ZSWIM7: variants seen among roughly 807,000 people sequenced by gnomAD.
ZSWIM7 encodes zinc finger SWIM domain-containing protein 7.
In ZSWIM7, 22 loss-of-function variants were observed where a neutral mutation model predicts 21.1. The observed-to-expected ratio is 1.04, with a 90% confidence interval of 0.74 to 1.49. ZSWIM7 has a LOEUF of 1.49. Among genes scored for constraint, ZSWIM7 ranks in the 40% most tolerant of loss-of-function variants. The pLI is 0.00. For missense variants in ZSWIM7, 193 were observed against 168.0 expected (o/e 1.15, Z -0.82); for synonymous variants, 67 against 66.5 (o/e 1.01, Z -0.04).
intron 2 of ZSWIM7, among the ~76,000 whole-genome samples, chr17:15,989,054 C>G (rs1407835481): frequency 6.6e-6 from 1 of 151,952 alleles, no homozygotes; most frequent in African/African-American, 2.4e-5. Context: ...ACAGAAAAAC[C>G]AACTTCTACT....
At position 15,999,683 on chromosome 17, in the gene ZSWIM7, C is replaced by G. The variant is rs1421994104; in HGVS notation, c.-89G>C. 6.4e-7 allele frequency: 1 copy of G among 1,556,964 alleles called. No individual in the cohort carries two copies. Among genetic ancestry groups the G allele is most frequent in the East Asian group, 2.4e-5 (1 of 41,654 alleles). On this transcript the variant is annotated 5_prime_UTR_variant, in exon 1 of 5. Coordinates refer to ENST00000399277, the MANE Select transcript of ZSWIM7 (RefSeq NM_001042697.2). ...ACCTGTGGAGGATCCTGACCCCCCG[C>G]CGGGGCAGGGCGAGACGGAGTGACG...
At chr17:15,986,661 TGGG>T (rs1174861626) in intron 3 of ZSWIM7, 4 of 149,974 alleles carry the variant, frequency 2.7e-5, no homozygotes, top group African/African-American at 9.8e-5. Context: ...GGCCTTGGGG[TGGG>T]GGAGGAAGAG....
intron 3 of ZSWIM7, among the ~76,000 whole-genome samples, chr17:15,981,996 A>T (rs192956442): frequency 1.0e-3 from 152 of 152,352 alleles, no homozygotes; most frequent in Non-Finnish European, 1.8e-3. Context: ...GAGAATAAAT[A>T]AAGCAAAGAC....
intron 3 of ZSWIM7, among the ~76,000 whole-genome samples, chr17:15,982,991 G>A (rs1970372630): frequency 6.6e-6 from 1 of 152,094 alleles, no homozygotes; most frequent in South Asian, 2.1e-4. Context: ...TTCCTCGGGA[G>A]ATTTTAGGTT....
chr17:15,991,695 T>C (rs1478610630), intron 2 of ZSWIM7, among the ~76,000 whole-genome samples: 2 of 152,174 alleles, frequency 1.3e-5, no homozygotes. Context: ...ATTTAAGAAA[T>C]ACAGTAAAGG....
At chr17:15,986,314 G>A (rs1181288196) in intron 3 of ZSWIM7, among the ~76,000 whole-genome samples, 1 of 152,148 alleles carries the variant, frequency 6.6e-6, no homozygotes, top group African/African-American at 2.4e-5. Flanking sequence ...AAAGTGCTGG[G>A]ATTACAGGCG....
rs1186937366 is a variant in ZSWIM7, at chr17:15,977,973, TG to T, written c.*73del. ...GAAGATCCATTTCACCTCTTTTCCA[TG>T]TGAATCATGACGCTTTCAATGCATT... is the stretch of plus-strand genomic sequence containing the variant. On this transcript the variant is annotated 3_prime_UTR_variant, in exon 5 of 5. Coordinates refer to ENST00000399277, the MANE Select transcript of ZSWIM7 (RefSeq NM_001042697.2). 3.3e-6 allele frequency: 4 copies of T among 1,207,488 alleles called. No homozygotes were observed. The highest frequency in any genetic ancestry group is 4.9e-6 in the Non-Finnish European group (4 of 819,034). The allele number at this position is 1,207,488 out of a possible 1,614,324, so 74.8% of individuals were successfully genotyped here. A position where few individuals can be genotyped will look rare whatever the true frequency, so the allele number is the denominator to read the frequency against.
intron 1 of ZSWIM7, 104 bp downstream of exon 1, chr17:15,999,415 G>A (rs767028343): frequency 5.0e-5 from 70 of 1,390,958 alleles, no homozygotes; most frequent in Non-Finnish European, 6.2e-5. Flanking sequence ...TGGAAAAAAG[G>A]CAGGGCCAGG....
chr17:15,987,589 G>T (rs946406476), intron 2 of ZSWIM7, among the ~76,000 whole-genome samples: 2 of 151,810 alleles, frequency 1.3e-5, no homozygotes, highest in Non-Finnish European at 2.9e-5. Flanking sequence ...ATATATGTGT[G>T]TGTGTATATA....
At chr17:15,979,885 C>A (rs1439363341) in intron 4 of ZSWIM7, among the ~76,000 whole-genome samples, 1 of 47,894 alleles carries the variant, frequency 2.1e-5, no homozygotes, top group Admixed American at 1.8e-4. Flanking sequence ...GCTGACCCCC[C>A]CACCTCCCTC....
In ZSWIM7 at chr17:15,985,661, T is replaced by C. The variant is rs554355502; in HGVS notation, c.201+1605A>G. On this transcript the variant is annotated intron_variant, in intron 3 of 4. Transcript: ENST00000399277. ...ATAATTAATAAAGCAATGTAATATA[T>C]ACCAGATGTGAACGACAAAAACTAA... Among the ~76,000 whole-genome samples, 8 of 152,318 alleles carry C rather than the reference T, an allele frequency of 5.3e-5. No individual in the cohort carries two copies. The South Asian group carries it at 1.7e-3, about 32-fold the overall frequency.
At chr17:15,994,154 T>TGCTGGG in intron 1 of ZSWIM7, among the ~76,000 whole-genome samples, 1 of 152,200 alleles carries the variant, frequency 6.6e-6, no homozygotes, top group Admixed American at 6.5e-5. Context: ...GGTTTCACCA[T>TGCTGGG]GCTGGCCATG....
At chr17:15,986,245 C>T (rs546606912) in intron 3 of ZSWIM7, among the ~76,000 whole-genome samples, 4 of 152,218 alleles carry the variant, frequency 2.6e-5, no homozygotes, top group Non-Finnish European at 5.9e-5. Context: ...GGTTTCACCA[C>T]GTTGGCCAGG....
In ZSWIM7 at chr17:15,977,519, GA is replaced by G. The variant is rs1970293085; in HGVS notation, c.*527del. 6.9e-6 allele frequency: 1 copy of G among 144,138 alleles called. No individual in the cohort carries two copies. The highest frequency in any genetic ancestry group is 2.7e-5 in the African/African-American group (1 of 37,510). 8.9% of individuals were successfully genotyped at this position (144,138 alleles called of 1,614,324 possible). Reference sequence around the variant, plus strand: ...TGGAGACCATCCTGGCTAACACGGTGAAACCCCATCTCTACTAAAAAAAAAA... The same window carrying G: ...TGGAGACCATCCTGGCTAACACGGTGAACCCCATCTCTACTAAAAAAAAAA... On this transcript the variant is annotated 3_prime_UTR_variant, in exon 5 of 5. Transcript: ENST00000399277.
intron 2 of ZSWIM7, among the ~76,000 whole-genome samples, chr17:15,990,177 G>A (rs7217614): frequency 0.47 from 66,215 of 142,340 alleles, 16,059 homozygotes; most frequent in Middle Eastern, 0.64. Flanking sequence ...CCGGGATCGC[G>A]CCACTGCACT....
intron 3 of ZSWIM7, among the ~76,000 whole-genome samples, chr17:15,984,355 C>G (rs999512272): frequency 2.6e-5 from 4 of 152,214 alleles, no homozygotes; most frequent in African/African-American, 9.6e-5. Context: ...AAACAACTTC[C>G]TCTTACAGGA....
intron 2 of ZSWIM7, among the ~76,000 whole-genome samples, chr17:15,989,881 T>A (rs1970460450): frequency 6.6e-6 from 1 of 152,108 alleles, no homozygotes. Flanking sequence ...ATCCTCATAT[T>A]ACAGGCGTGA....
At chr17:15,997,421 T>A (rs1443584695) in intron 1 of ZSWIM7, among the ~76,000 whole-genome samples, 2 of 152,070 alleles carry the variant, frequency 1.3e-5, no homozygotes, top group East Asian at 3.8e-4. Context: ...GAGGTTAAAG[T>A]AGGAATAAAT....
chr17:15,987,145 G>T, intron 3 of ZSWIM7, 121 bp downstream of exon 3: 1 of 698,386 alleles, frequency 1.4e-6, no homozygotes, highest in Non-Finnish European at 2.2e-6. Flanking sequence ...TACCAAGTTG[G>T]GGCAAAAGCC....
Sources: gnomAD v4.1 joint callset for allele counts (sites outside exome capture counted in the v4.1 genomes callset) on GRCh38, gnomAD v4.1.1 for gene constraint, MANE v1.5 for transcripts, NCBI Gene and HGNC (gene_info 2026-07-23, HGNC 2026-07-21) for gene names.